The following TWIST2 variants were observed in gnomAD, a reference collection of about 807,000 sequenced individuals.
TWIST2 encodes the protein twist-related protein 2.
TWIST2 carries 1 observed loss-of-function variant against 11.6 expected under a neutral mutation model. The observed-to-expected ratio is 0.09, with a 90% CI of 0.03 to 0.41. TWIST2 has a LOEUF of 0.41. Among genes scored for constraint, TWIST2 ranks in the 10% least tolerant of loss-of-function variants. The pLI is 0.98. For missense variants in TWIST2, 168 were observed against 226.4 expected (o/e 0.74, Z 1.66); for synonymous variants, 87 against 96.6 (o/e 0.90, Z 0.58).
At chr2:238,908,875 TTG>T (rs1693401799) in intron 1 of TWIST2, among the ~76,000 whole-genome samples, 1 of 44,714 alleles carries the variant, frequency 2.2e-5, no homozygotes, top group Non-Finnish European at 4.3e-5. Flanking sequence ...TGTGGTGTGT[TTG>T]TGTGGTGTGT....
chr2:238,873,765 G>T (rs1433103384), intron 1 of TWIST2, among the ~76,000 whole-genome samples: 1 of 152,140 alleles, frequency 6.6e-6, no homozygotes, highest in Non-Finnish European at 1.5e-5. Flanking sequence ...TTGATGAGTG[G>T]GCCTGAGGGT....
chr2:238,870,811 A>C (rs1241524453), intron 1 of TWIST2, among the ~76,000 whole-genome samples: 4 of 44,490 alleles, frequency 9.0e-5, no homozygotes, highest in African/African-American at 2.2e-4. Flanking sequence ...CCATGCACAC[A>C]CCACACACCC....
At chr2:238,898,704 G>A (rs907766621) in intron 1 of TWIST2, among the ~76,000 whole-genome samples, 14 of 152,212 alleles carry the variant, frequency 9.2e-5, no homozygotes, top group Non-Finnish European at 1.8e-4. Context: ...CACCCATGTC[G>A]GCCCAGCCTT....
At chr2:238,889,519 C>A (rs1002351677) in intron 1 of TWIST2, among the ~76,000 whole-genome samples, 2 of 152,226 alleles carry the variant, frequency 1.3e-5, no homozygotes, top group African/African-American at 4.8e-5. Context: ...AACTGTCCCC[C>A]ACCCATCCCT....
At chr2:238,856,688 G>A (rs1268375182) in intron 1 of TWIST2, among the ~76,000 whole-genome samples, 2 of 152,138 alleles carry the variant, frequency 1.3e-5, no homozygotes, top group East Asian at 1.9e-4. Flanking sequence ...GATTGTGTTG[G>A]GGCCGTGTGC....
intron 1 of TWIST2, among the ~76,000 whole-genome samples, chr2:238,875,170 A>G (rs1237234886): frequency 6.6e-6 from 1 of 152,088 alleles, no homozygotes; most frequent in East Asian, 1.9e-4. Flanking sequence ...CAACTGGGCA[A>G]GCCCTGGCTG....
intron 1 of TWIST2, among the ~76,000 whole-genome samples, chr2:238,856,413 A>G (rs772320328): frequency 3.9e-5 from 6 of 152,144 alleles, no homozygotes; most frequent in African/African-American, 1.2e-4. Flanking sequence ...TTCTTGTTTT[A>G]CTACAGTTCA....
intron 1 of TWIST2, among the ~76,000 whole-genome samples, chr2:238,880,239 A>G (rs941652969): frequency 9.0e-5 from 13 of 144,770 alleles, no homozygotes; most frequent in African/African-American, 2.4e-4. Flanking sequence ...ATTTATTAGT[A>G]TTAGTGTTAG....
intron 1 of TWIST2, among the ~76,000 whole-genome samples, chr2:238,875,659 C>T (rs1692792883): frequency 6.6e-6 from 1 of 152,220 alleles, no homozygotes; most frequent in African/African-American, 2.4e-5. Flanking sequence ...TGAACTTCAG[C>T]TCCCTGACCG....
chr2:238,861,339 G>A (rs951294363), intron 1 of TWIST2, among the ~76,000 whole-genome samples: 34 of 152,280 alleles, frequency 2.2e-4, no homozygotes, highest in African/African-American at 7.2e-4. Context: ...CTCCTTTCCG[G>A]CCACTTCTGC....
intron 1 of TWIST2, among the ~76,000 whole-genome samples, chr2:238,890,526 G>A (rs1387633113): frequency 6.6e-6 from 1 of 152,188 alleles, no homozygotes; most frequent in Non-Finnish European, 1.5e-5. Context: ...CCAGAAATGT[G>A]TGTGCATGTG....
intron 1 of TWIST2, among the ~76,000 whole-genome samples, chr2:238,882,860 C>A (rs930205731): frequency 6.6e-6 from 1 of 152,168 alleles, no homozygotes; most frequent in African/African-American, 2.4e-5. Flanking sequence ...CTGGGTTGCT[C>A]TGCTGGAAGC....
intron 1 of TWIST2, among the ~76,000 whole-genome samples, chr2:238,902,252 A>C (rs981407571): frequency 1.4e-5 from 2 of 144,166 alleles, no homozygotes; most frequent in African/African-American, 5.2e-5. Flanking sequence ...TGTGGTAAGG[A>C]GTTTGTATGA....
chr2:238,896,181 C>T (rs1423013154), intron 1 of TWIST2, among the ~76,000 whole-genome samples: 1 of 152,298 alleles, frequency 6.6e-6, no homozygotes, highest in South Asian at 2.1e-4. Flanking sequence ...AAGACGGCTC[C>T]GCAGTCGCCT....
At chr2:238,899,949 A>G (rs1317595976) in intron 1 of TWIST2, among the ~76,000 whole-genome samples, 1 of 151,840 alleles carries the variant, frequency 6.6e-6, no homozygotes, top group African/African-American at 2.4e-5. Context: ...GCTCTAAAAA[A>G]ATAAAGTCTT....
At position 238,878,045 on chromosome 2, in the gene TWIST2, C is replaced by T. The variant is rs546582661; in HGVS notation, c.*35+29312C>T. 5.5e-4 allele frequency among the ~76,000 whole-genome samples: 83 copies of T among 152,268 alleles called. 1 individual carries two copies. The highest frequency in any genetic ancestry group is 1.9e-3 in the African/African-American group (79 of 41,556). On this transcript the variant is annotated intron_variant, in intron 1 of 1. Transcript: ENST00000612363. ...GTAAAGGAGACAATGGCCATGAAGA[C>T]GGTGGATTATGCGGAGCATAATTCC...
intron 1 of TWIST2, among the ~76,000 whole-genome samples, chr2:238,852,938 TTAC>T (rs1692266842): frequency 6.6e-6 from 1 of 152,206 alleles, no homozygotes; most frequent in South Asian, 2.1e-4. Context: ...ATCTAAGAAA[TTAC>T]TACTAAGATT....
intron 1 of TWIST2, among the ~76,000 whole-genome samples, chr2:238,908,018 T>C (rs922631645): frequency 7.4e-6 from 1 of 134,628 alleles, no homozygotes; most frequent in African/African-American, 2.9e-5. Context: ...CACAAACACA[T>C]ACCACACAAA....
intron 1 of TWIST2, among the ~76,000 whole-genome samples, chr2:238,907,464 G>A (rs1032445400): frequency 1.9e-4 from 29 of 152,152 alleles, no homozygotes; most frequent in Admixed American, 3.3e-4. Context: ...GGTAGCGCCT[G>A]AGCGGGTTCT....
Sources: gnomAD v4.1 joint callset for allele counts (sites outside exome capture counted in the v4.1 genomes callset) on GRCh38, gnomAD v4.1.1 for gene constraint, MANE v1.5 for transcripts, NCBI Gene and HGNC (gene_info 2026-07-23, HGNC 2026-07-21) for gene names.